Variants in PDE10A observed in about 807,000 individuals in gnomAD.
PDE10A encodes cAMP and cAMP-inhibited cGMP 3',5'-cyclic phosphodiesterase 10A.
In PDE10A, 39 loss-of-function variants were observed where a neutral mutation model predicts 97.7. That is an observed-to-expected ratio of 0.40 (90% confidence interval 0.31 to 0.52). The LOEUF is 0.52. Ranked by LOEUF, PDE10A falls within the 20% of genes least tolerant of loss-of-function variation. The probability of loss-of-function intolerance (pLI) is 0.56; values close to 1 mark genes in which losing one functional copy is unlikely to be tolerated. For missense variants in PDE10A, 731 were observed against 1,047.8 expected, an observed-to-expected ratio of 0.70 and a Z score of 4.17; for synonymous variants, 371 against 376.8, an observed-to-expected ratio of 0.98 and a Z score of 0.18.
chr6:165,737,772 T>C (rs1413504595), intron 1 of PDE10A, among the ~76,000 whole-genome samples: 1 of 152,204 alleles, frequency 6.6e-6, no homozygotes, highest in Admixed American at 6.5e-5. Context: ...TTGCCACTTC[T>C]ATTCAATACA....
Position 165,711,472 on chromosome 6 carries a change from T to C in PDE10A, c.-614-167904A>G, listed in dbSNP as rs1190318836. 6.6e-6 allele frequency among the ~76,000 whole-genome samples: 1 copy of C among 152,206 alleles called. No homozygotes were observed. The highest frequency in any genetic ancestry group is 1.5e-5 in the Non-Finnish European group (1 of 68,040). ...GCTTCTGGTCTTGTCTGGTGGACTCTGCGAGTTAGCTGTCTGGAGAGGGCC... is the reference window on the plus strand; with the variant it reads ...GCTTCTGGTCTTGTCTGGTGGACTCCGCGAGTTAGCTGTCTGGAGAGGGCC... On this transcript the variant is annotated intron_variant, in intron 1 of 19. Coordinates refer to the PDE10A transcript ENST00000366882. This position sits in a 1 kb window ranked among gnomAD's most constrained non-coding sequence, Gnocchi z 4.5.
chr6:165,516,913 ATAAT>A (rs1781843866), intron 2 of PDE10A, among the ~76,000 whole-genome samples: 1 of 152,168 alleles, frequency 6.6e-6, no homozygotes, highest in Non-Finnish European at 1.5e-5. Flanking sequence ...TAAGCAATAT[ATAAT>A]TACTCTAAAG....
At chr6:165,561,839 T>A (rs1203674292) in intron 1 of PDE10A, among the ~76,000 whole-genome samples, 8 of 152,214 alleles carry the variant, frequency 5.3e-5, no homozygotes, top group Non-Finnish European at 7.3e-5. Context: ...TCAGATTTTT[T>A]AAAAATCTAA....
intron 1 of PDE10A, among the ~76,000 whole-genome samples, chr6:165,919,459 C>T (rs1424870330): frequency 3.9e-5 from 6 of 152,200 alleles, no homozygotes; most frequent in Non-Finnish European, 5.9e-5. Context: ...TCCTATCAGC[C>T]CAATCTTTCC....
At chr6:165,379,059 C>A in intron 18 of PDE10A, 135 bp downstream of exon 18, 1 of 611,810 alleles carries the variant, frequency 1.6e-6, no homozygotes, top group Non-Finnish European at 2.8e-6. Flanking sequence ...ACAAGATGTA[C>A]ATAAAGTGAA....
chr6:165,457,248 G>A (rs568114222), intron 3 of PDE10A, among the ~76,000 whole-genome samples: 2 of 152,178 alleles, frequency 1.3e-5, no homozygotes, highest in Admixed American at 6.5e-5. Flanking sequence ...ACTTCATAAA[G>A]TCCCTTCATG....
At chr6:165,714,643 C>T (rs1582981030) in intron 1 of PDE10A, among the ~76,000 whole-genome samples, 1 of 152,180 alleles carries the variant, frequency 6.6e-6, no homozygotes, top group Non-Finnish European at 1.5e-5. Context: ...AGGGTTAGAG[C>T]CTGGAGGGTG....
intron 2 of PDE10A, among the ~76,000 whole-genome samples, chr6:165,534,720 T>A (rs981780283): frequency 1.3e-5 from 2 of 152,048 alleles, no homozygotes; most frequent in Admixed American, 1.3e-4. Context: ...GAATAGATGC[T>A]GAAAAAGCAT....
intron 1 of PDE10A, among the ~76,000 whole-genome samples, chr6:165,926,496 T>C (rs564096414): frequency 2.6e-5 from 4 of 152,238 alleles, no homozygotes; most frequent in Admixed American, 1.3e-4. Flanking sequence ...AAATGTTCGA[T>C]TGACCTTTAA....
In PDE10A at chr6:165,638,020, G is replaced by A. The variant is rs2983516; in HGVS notation, c.865+23927C>T. 1.0e-3 allele frequency among the ~76,000 whole-genome samples: 152 copies of A among 151,866 alleles called. 1 individual carries two copies. The highest frequency in any genetic ancestry group is 3.6e-3 in the African/African-American group (147 of 41,388). On this transcript the variant is annotated intron_variant, in intron 1 of 21. Transcript: ENST00000539869. ...TCCTCCTTTCCTCCAGCCAGCCCTCGCCTGCCGTTAGCAGATGTTGTCAGT... is the reference window on the plus strand; with the variant it reads ...TCCTCCTTTCCTCCAGCCAGCCCTCACCTGCCGTTAGCAGATGTTGTCAGT...
At chr6:165,783,135 T>G (rs1038034581) in intron 1 of PDE10A, among the ~76,000 whole-genome samples, 16 of 152,226 alleles carry the variant, frequency 1.1e-4, no homozygotes, top group African/African-American at 3.9e-4. Context: ...TGAAAATATT[T>G]TACTCAGTTT....
intron 1 of PDE10A, among the ~76,000 whole-genome samples, chr6:165,908,582 A>C (rs1426375535): frequency 6.6e-6 from 1 of 152,150 alleles, no homozygotes. Context: ...ACACCAAGGC[A>C]AGTCTAGTGA....
intron 1 of PDE10A, among the ~76,000 whole-genome samples, chr6:165,597,183 T>C (rs1204071972): frequency 6.6e-6 from 1 of 152,192 alleles, no homozygotes; most frequent in African/African-American, 2.4e-5. Context: ...ATCTATTCAT[T>C]CACTGCTGTA....
rs551057483 is a variant in PDE10A at position 165,458,931 on chromosome 6, G to A, written c.1024-8569C>T. Among the ~76,000 whole-genome samples the A allele has an allele frequency of 7.2e-5, 11 of 152,136 alleles. No individual in the cohort carries two copies. The East Asian group carries it at 9.7e-4, about 13-fold the overall frequency. ...TATAAAGGATTATGACCCCCCACCC[G>A]TCTAAGTTCAAATCCCAGATCACAT... is the stretch of plus-strand genomic sequence containing the variant. On this transcript the variant is annotated intron_variant, in intron 3 of 21. Coordinates refer to ENST00000539869, the MANE Select transcript of PDE10A (RefSeq NM_001385079.1).
At chr6:165,827,976 A>G (rs1482784138) in intron 1 of PDE10A, among the ~76,000 whole-genome samples, 1 of 152,012 alleles carries the variant, frequency 6.6e-6, no homozygotes, top group East Asian at 1.9e-4. Context: ...AGAAAAACCG[A>G]CTCTTCATTA....
intron 10 of PDE10A, among the ~76,000 whole-genome samples, chr6:165,421,926 G>C (rs1172226819): frequency 6.6e-6 from 1 of 152,130 alleles, no homozygotes; most frequent in African/African-American, 2.4e-5. Context: ...GCTGCGCATG[G>C]TGGCATGCGT....
At position 165,922,255 on chromosome 6, in the gene PDE10A, T is replaced by C. The variant is rs564947273; in HGVS notation, c.-615+65274A>G. On this transcript the variant is annotated intron_variant, in intron 1 of 19. Coordinates refer to the PDE10A transcript ENST00000366882. ...TGAGTGAGTTTGGTCTTGATTGCCA[T>C]CAGAGTACCCCAAGACAGCAGGACT... Among the ~76,000 whole-genome samples, 112 of 152,220 alleles carry C rather than the reference T, an allele frequency of 7.4e-4. 4 individuals carry two copies. Among genetic ancestry groups the C allele is most frequent in the South Asian group, 1.0e-3 (5 of 4,810 alleles).
intron 1 of PDE10A, among the ~76,000 whole-genome samples, chr6:165,551,938 C>G (rs1388134682): frequency 2.0e-5 from 3 of 152,064 alleles, no homozygotes; most frequent in Non-Finnish European, 4.4e-5. Context: ...CCCTATGCTT[C>G]CCCCATTTCA....
intron 1 of PDE10A, among the ~76,000 whole-genome samples, chr6:165,793,649 G>T (rs1198640075): frequency 1.3e-5 from 2 of 152,160 alleles, no homozygotes; most frequent in African/African-American, 4.8e-5. Flanking sequence ...CACCGCTGGG[G>T]GTCTCCCCAC....
Sources: allele counts gnomAD v4.1 joint callset (sites outside exome capture counted in the v4.1 genomes callset), GRCh38; gene constraint gnomAD v4.1.1; non-coding constraint Gnocchi (gnomAD v3.1); transcripts MANE v1.5; gene names NCBI Gene and HGNC (gene_info 2026-07-23, HGNC 2026-07-21).